Variants in ESRRG observed in about 807,000 individuals in gnomAD.
The protein encoded by ESRRG is estrogen-related receptor gamma.
In ESRRG, 13 loss-of-function variants were observed where a neutral mutation model predicts 44.0. The observed-to-expected ratio is 0.30, with a 90% CI of 0.19 to 0.47. ESRRG has a LOEUF of 0.47. Among genes scored for constraint, ESRRG ranks in the 20% least tolerant of loss-of-function variants. ESRRG has a pLI of 1.00. For missense variants in ESRRG, 395 were observed against 580.6 expected, an observed-to-expected ratio of 0.68 and a Z score of 3.29; for synonymous variants, 215 against 214.6, an observed-to-expected ratio of 1.00 and a Z score of -0.02.
chr1:216,555,197 A>T lies in ESRRG; in HGVS notation c.862+9022T>A, dbSNP rs1572881070. Among the ~76,000 whole-genome samples, 4 of 152,300 alleles carry T rather than the reference A, an allele frequency of 2.6e-5. No homozygotes were observed. In the East Asian group the frequency reaches 7.7e-4, roughly 29 times the overall value. On this transcript the variant is annotated intron_variant, in intron 5 of 6. Transcript: ENST00000408911. The stretch of plus-strand genomic sequence containing the variant: ...GCCAAGGCTGACATTCTTGGGGGAA[A>T]AAAAGCATACAGATGAGCAAAGGTA...
At chr1:216,960,913 A>G (rs1176618576) in intron 1 of ESRRG, among the ~76,000 whole-genome samples, 1 of 152,142 alleles carries the variant, frequency 6.6e-6, no homozygotes, top group African/African-American at 2.4e-5. Flanking sequence ...GTAAATGCAC[A>G]TAGCTGTGGT....
intron 1 of ESRRG, among the ~76,000 whole-genome samples, chr1:217,029,119 G>C (rs2151002065): frequency 6.6e-6 from 1 of 151,612 alleles, no homozygotes; most frequent in Non-Finnish European, 1.5e-5. Context: ...TAAGACTTTT[G>C]GCCATGACTT....
chr1:217,131,658 G>A (rs562484772), intron 1 of ESRRG, among the ~76,000 whole-genome samples: 8 of 152,196 alleles, frequency 5.3e-5, no homozygotes, highest in Non-Finnish European at 1.0e-4. Flanking sequence ...GGTTGTATAC[G>A]TATTCAGTGG....
At chr1:216,691,740 C>T (rs576642537) in intron 1 of ESRRG, among the ~76,000 whole-genome samples, 2 of 152,190 alleles carry the variant, frequency 1.3e-5, no homozygotes, top group Non-Finnish European at 2.9e-5. Context: ...ATCTGGGTGT[C>T]CAGACCTGGC....
At chr1:217,127,928 T>C (rs1328936254) in intron 1 of ESRRG, among the ~76,000 whole-genome samples, 1 of 152,204 alleles carries the variant, frequency 6.6e-6, no homozygotes, top group Non-Finnish European at 1.5e-5. Flanking sequence ...GTCCCCACAA[T>C]AATTATCAGA....
At chr1:216,803,334 T>G (rs368614680) in intron 2 of ESRRG, among the ~76,000 whole-genome samples, 1 of 152,140 alleles carries the variant, frequency 6.6e-6, no homozygotes, top group African/African-American at 2.4e-5. Flanking sequence ...GATTTCCCCC[T>G]GCAAACCTCC....
In ESRRG at chr1:216,622,609, T is replaced by TATACACAC. The variant is rs147309378; in HGVS notation, c.589+28363_589+28364insGTGTGTAT. On this transcript the variant is annotated intron_variant, in intron 3 of 6. Transcript: ENST00000408911. ...GCTCCAATGGAAAACAAATGAAAAT[T>TATACACAC]ACACACACGCACACACACACACACA... Among the ~76,000 whole-genome samples, 125 of 150,904 alleles carry TATACACAC rather than the reference T, an allele frequency of 8.3e-4. 1 individual carries two copies. The highest frequency in any genetic ancestry group is 1.0e-3 in the African/African-American group (41 of 40,986).
intron 2 of ESRRG, among the ~76,000 whole-genome samples, chr1:216,855,511 A>G (rs1034984885): frequency 6.6e-6 from 1 of 152,226 alleles, no homozygotes; most frequent in African/African-American, 2.4e-5. Flanking sequence ...TTCAAAAGGT[A>G]ACGTAGAACC....
chr1:216,709,362 T>TATATATATATATATA (rs2083137254), intron 1 of ESRRG, among the ~76,000 whole-genome samples: 2 of 150,148 alleles, frequency 1.3e-5, no homozygotes, highest in African/African-American at 4.9e-5. Context: ...TATATATATA[T>TATATATATATATATA]TCAATTTCTC....
At chr1:217,073,279 C>T (rs2090845232) in intron 1 of ESRRG, among the ~76,000 whole-genome samples, 1 of 146,384 alleles carries the variant, frequency 6.8e-6, no homozygotes, top group African/African-American at 2.5e-5. Context: ...AAAAACCCAA[C>T]TGTAGGCAAA....
chr1:217,107,721 T>C (rs556964161), intron 1 of ESRRG, among the ~76,000 whole-genome samples: 13 of 152,344 alleles, frequency 8.5e-5, no homozygotes, highest in African/African-American at 2.6e-4. Flanking sequence ...GAGCTACTTA[T>C]GCACAAGGGC....
intron 5 of ESRRG, among the ~76,000 whole-genome samples, chr1:216,555,766 G>A (rs1040178009): frequency 1.3e-5 from 2 of 152,096 alleles, no homozygotes; most frequent in African/African-American, 4.8e-5. Flanking sequence ...TAAATCAGAG[G>A]CGAAATCCTT....
At chr1:216,521,944 G>C (rs1341482789) in intron 5 of ESRRG, among the ~76,000 whole-genome samples, 1 of 152,078 alleles carries the variant, frequency 6.6e-6, no homozygotes, top group Non-Finnish European at 1.5e-5. Flanking sequence ...GATGGAGAAG[G>C]CACGCTAGCG....
chr1:216,839,707 AT>A (rs944733725), intron 2 of ESRRG, among the ~76,000 whole-genome samples: 2 of 146,166 alleles, frequency 1.4e-5, no homozygotes, highest in Non-Finnish European at 3.0e-5. Flanking sequence ...AGCTTCATGT[AT>A]TTTTCATTCA....
At chr1:216,772,850 A>ATT (rs5742079) in intron 2 of ESRRG, among the ~76,000 whole-genome samples, 50 of 147,670 alleles carry the variant, frequency 3.4e-4, no homozygotes, top group African/African-American at 6.2e-4. Flanking sequence ...GCACTAGCAC[A>ATT]TTTTTTTTTT....
chr1:216,512,866 GGAA>G (rs1214683372), intron 6 of ESRRG, among the ~76,000 whole-genome samples: 1 of 152,146 alleles, frequency 6.6e-6, no homozygotes, highest in Non-Finnish European at 1.5e-5. Flanking sequence ...TGGAAGCAAA[GGAA>G]GAAGAAGGCA....
At chr1:216,726,175 A>C (rs2087481529), upstream of ESRRG, among the ~76,000 whole-genome samples, 1 of 152,188 alleles carries the variant, frequency 6.6e-6, no homozygotes, top group Non-Finnish European at 1.5e-5. Flanking sequence ...CGCAAGGTGC[A>C]GTGTTCACTG....
intron 1 of ESRRG, among the ~76,000 whole-genome samples, chr1:217,035,198 C>T (rs1387651403): frequency 1.3e-5 from 2 of 151,384 alleles, no homozygotes; most frequent in Admixed American, 1.3e-4. Flanking sequence ...ATAAAAAGTG[C>T]TGAGAAGCCT....
intron 2 of ESRRG, among the ~76,000 whole-genome samples, chr1:216,759,260 C>T (rs1421695053): frequency 2.6e-5 from 4 of 152,098 alleles, no homozygotes; most frequent in Non-Finnish European, 5.9e-5. Context: ...CTGCCTGTTG[C>T]TGCTCAGGCT....
Sources: gnomAD v4.1 joint callset for allele counts (sites outside exome capture counted in the v4.1 genomes callset) on GRCh38, gnomAD v4.1.1 for gene constraint, MANE v1.5 for transcripts, NCBI Gene and HGNC (gene_info 2026-07-23, HGNC 2026-07-21) for gene names.